SMAP1: variants seen among roughly 807,000 people sequenced by gnomAD.
SMAP1 encodes the protein small ArfGAP 1.
In SMAP1, 24 loss-of-function variants were observed where a neutral mutation model predicts 58.5. The ratio of observed to expected loss-of-function variants is 0.41; its 90% CI spans 0.30 to 0.58. SMAP1 has a LOEUF of 0.58. Ranked by LOEUF, SMAP1 falls within the 20% of genes least tolerant of loss-of-function variation. The pLI is 0.29. For synonymous variants in SMAP1, 216 were observed against 196.6 expected (o/e 1.10, Z -0.82); for missense variants, 563 against 566.3 (o/e 0.99, Z 0.06).
chr6:70,681,157 A>G (rs1581989763), intron 1 of SMAP1, among the ~76,000 whole-genome samples: 1 of 151,960 alleles, frequency 6.6e-6, no homozygotes, highest in Admixed American at 6.6e-5. Context: ...GGTGGCTCAC[A>G]CCTCTAATCC....
intron 2 of SMAP1, among the ~76,000 whole-genome samples, chr6:70,733,773 G>A (rs527625856): frequency 3.9e-5 from 6 of 152,230 alleles, no homozygotes; most frequent in East Asian, 3.9e-4. Context: ...ATTCACGACC[G>A]AAGTATCCTG....
chr6:70,857,750 C>T (rs577112328), intron 9 of SMAP1, 172 bp from the exon 10 acceptor site: 1 of 622,838 alleles, frequency 1.6e-6, no homozygotes, highest in South Asian at 2.0e-5. Flanking sequence ...ATCCTAGAAA[C>T]AACCAGCTCT....
intron 7 of SMAP1, among the ~76,000 whole-genome samples, chr6:70,846,254 TCTG>T (rs1770984589): frequency 6.6e-6 from 1 of 152,204 alleles, no homozygotes; most frequent in South Asian, 2.1e-4. Flanking sequence ...CCGCCATGGC[TCTG>T]CTGTCACCAA....
At chr6:70,712,034 C>T (rs1156946498) in intron 1 of SMAP1, among the ~76,000 whole-genome samples, 1 of 152,186 alleles carries the variant, frequency 6.6e-6, no homozygotes, top group Non-Finnish European at 1.5e-5. Context: ...CTTTCAGTTT[C>T]TCCCCCACAG....
intron 2 of SMAP1, among the ~76,000 whole-genome samples, chr6:70,746,636 T>C (rs1475550013): frequency 6.6e-6 from 1 of 152,204 alleles, no homozygotes; most frequent in Non-Finnish European, 1.5e-5. Flanking sequence ...AAATTCTCTT[T>C]TTTTGTTGTG....
Position 70,860,170 on chromosome 6 carries a change from C to A in SMAP1, c.1270-30C>A, listed in dbSNP as rs767619021. The stretch of plus-strand genomic sequence containing the variant: ...CAAGAATTAAAAGTGAAGTAAGCCT[C>A]TTGAACTAAGCCTTTTATATGTTTC... On this transcript the variant is annotated intron_variant, in intron 10 of 10. Transcript: ENST00000370455. 3.8e-6 allele frequency: 6 copies of A among 1,576,534 alleles called. No individual in the cohort carries two copies. In the East Asian group the frequency reaches 1.1e-4, roughly 30 times the overall value.
intron 1 of SMAP1, among the ~76,000 whole-genome samples, chr6:70,669,207 C>G (rs565203115): frequency 6.6e-6 from 1 of 151,926 alleles, no homozygotes; most frequent in Non-Finnish European, 1.5e-5. Context: ...TAGGGTAGTT[C>G]TCTAAAGCAG....
chr6:70,792,943 A>C (rs1768431153), intron 5 of SMAP1, among the ~76,000 whole-genome samples: 1 of 152,162 alleles, frequency 6.6e-6, no homozygotes, highest in Non-Finnish European at 1.5e-5. Flanking sequence ...GACTTAACCT[A>C]TTACTCTAAT....
At chr6:70,849,099 C>G (rs769955211) in intron 7 of SMAP1, among the ~76,000 whole-genome samples, 3 of 152,126 alleles carry the variant, frequency 2.0e-5, no homozygotes, top group Non-Finnish European at 4.4e-5. Context: ...AGAGCAATCA[C>G]CTATGCTCAT....
At chr6:70,744,955 G>C (rs1422479653) in intron 2 of SMAP1, among the ~76,000 whole-genome samples, 1 of 152,196 alleles carries the variant, frequency 6.6e-6, no homozygotes, top group African/African-American at 2.4e-5. Flanking sequence ...GTGTCTGTTG[G>C]CTGCATAAAT....
chr6:70,693,048 G>T (rs1391753915), intron 1 of SMAP1, among the ~76,000 whole-genome samples: 1 of 152,120 alleles, frequency 6.6e-6, no homozygotes, highest in African/African-American at 2.4e-5. Flanking sequence ...CTCCCAAAGT[G>T]CTGGGATTAC....
intron 4 of SMAP1, among the ~76,000 whole-genome samples, chr6:70,789,105 A>G (rs1488090525): frequency 1.3e-5 from 2 of 152,186 alleles, no homozygotes; most frequent in South Asian, 2.1e-4. Context: ...CCAGTTGTCA[A>G]TATGTTGATT....
At chr6:70,670,651 A>G (rs1184729698) in intron 1 of SMAP1, among the ~76,000 whole-genome samples, 1 of 152,204 alleles carries the variant, frequency 6.6e-6, no homozygotes, top group Non-Finnish European at 1.5e-5. Flanking sequence ...TGTTTTCTTC[A>G]CTGTCTAGTA....
intron 8 of SMAP1, among the ~76,000 whole-genome samples, 156 bp downstream of exon 8, chr6:70,852,820 G>C (rs1001107818): frequency 9.2e-5 from 14 of 152,184 alleles, no homozygotes; most frequent in African/African-American, 3.4e-4. Flanking sequence ...CCAGCAGCTT[G>C]TTTTTGCAAA....
rs533459018 is a variant in SMAP1, at chr6:70,768,781, GC to G, written c.339-4566del. 2.2e-4 allele frequency among the ~76,000 whole-genome samples: 34 copies of G among 152,018 alleles called. No individual in the cohort carries two copies. The East Asian group carries it at 5.8e-3, about 26-fold the overall frequency. ...TCTGCTCTGATTTTAGTTATTTCTTGCCCTCTGCTAGCTTTTGAATGTGTTT... is the reference window on the plus strand; with the variant it reads ...TCTGCTCTGATTTTAGTTATTTCTTGCCTCTGCTAGCTTTTGAATGTGTTT... On this transcript the variant is annotated intron_variant, in intron 3 of 10. Transcript: ENST00000370455.
At chr6:70,750,748 A>T (rs1766240529) in intron 2 of SMAP1, among the ~76,000 whole-genome samples, 1 of 152,202 alleles carries the variant, frequency 6.6e-6, no homozygotes, top group Admixed American at 6.5e-5. Flanking sequence ...AATACTTTTA[A>T]TAGTAAGGTT....
intron 1 of SMAP1, among the ~76,000 whole-genome samples, chr6:70,682,170 ATT>A (rs66981900): frequency 3.1e-4 from 30 of 95,910 alleles, no homozygotes; most frequent in African/African-American, 9.8e-4. Context: ...CTCTGCACAG[ATT>A]TTTTTTTTTT....
At chr6:70,735,559 G>T (rs988168372) in intron 2 of SMAP1, among the ~76,000 whole-genome samples, 14 of 152,124 alleles carry the variant, frequency 9.2e-5, no homozygotes, top group African/African-American at 3.1e-4. Context: ...GGGCAGATCC[G>T]AGAGTTTGAG....
intron 6 of SMAP1, among the ~76,000 whole-genome samples, chr6:70,835,037 C>T (rs1392727135): frequency 1.3e-5 from 2 of 150,824 alleles, no homozygotes; most frequent in Non-Finnish European, 2.9e-5. Context: ...ATCATGAGGT[C>T]AGGAGATGGA....
Sources: gnomAD v4.1 joint callset for allele counts (sites outside exome capture counted in the v4.1 genomes callset) on GRCh38, gnomAD v4.1.1 for gene constraint, MANE v1.5 for transcripts, NCBI Gene and HGNC (gene_info 2026-07-23, HGNC 2026-07-21) for gene names.